Variants in FAM135B observed in about 807,000 individuals in gnomAD.
FAM135B encodes the protein protein FAM135B.
FAM135B carries 43 observed loss-of-function variants against 127.7 expected under a neutral mutation model. That is an observed-to-expected ratio of 0.34 (90% CI 0.26 to 0.43). The LOEUF is 0.43. Ranked by LOEUF, FAM135B falls within the 20% of genes least tolerant of loss-of-function variation. The probability of loss-of-function intolerance (pLI) is 1.00; values close to 1 mark genes in which losing one functional copy is unlikely to be tolerated. For missense variants in FAM135B, 1,558 were observed against 1,725.6 expected, an observed-to-expected ratio of 0.90 and a Z score of 1.72; for synonymous variants, 670 against 665.1, an observed-to-expected ratio of 1.01 and a Z score of -0.11.
intron 1 of FAM135B, among the ~76,000 whole-genome samples, chr8:138,428,851 A>G (rs1835044802): frequency 6.6e-6 from 1 of 152,170 alleles, no homozygotes; most frequent in South Asian, 2.1e-4. Flanking sequence ...CTCGAAATTT[A>G]ATTTGAATAT....
chr8:138,457,382 G>A (rs1451024932), intron 1 of FAM135B, among the ~76,000 whole-genome samples: 1 of 152,138 alleles, frequency 6.6e-6, no homozygotes, highest in Non-Finnish European at 1.5e-5. Flanking sequence ...GTTTCTCAAG[G>A]TGTGATACTC....
chr8:138,172,378 C>T (rs928807119), intron 11 of FAM135B, among the ~76,000 whole-genome samples: 1 of 152,192 alleles, frequency 6.6e-6, no homozygotes, highest in Non-Finnish European at 1.5e-5. Flanking sequence ...GGGCCTTTGC[C>T]CTGGCTGTTA....
intron 9 of FAM135B, among the ~76,000 whole-genome samples, chr8:138,182,285 A>T (rs766447654): frequency 2.6e-5 from 4 of 152,262 alleles, no homozygotes; most frequent in Non-Finnish European, 5.9e-5. Context: ...TCTACTCCAC[A>T]GATGCCCGAG....
intron 3 of FAM135B, among the ~76,000 whole-genome samples, chr8:138,283,212 G>A (rs1363002190): frequency 2.6e-5 from 4 of 152,038 alleles, no homozygotes; most frequent in Non-Finnish European, 5.9e-5. Flanking sequence ...CAACCAAGAC[G>A]TCCTTCAGGA....
At chr8:138,265,554 A>C in intron 4 of FAM135B, 149 bp downstream of exon 4, 1 of 789,500 alleles carries the variant, frequency 1.3e-6, no homozygotes, top group East Asian at 2.6e-5. Context: ...GAATACATAA[A>C]TAAGTGCATG....
intron 1 of FAM135B, among the ~76,000 whole-genome samples, chr8:138,369,316 G>GC (rs1430209412): frequency 6.6e-6 from 1 of 152,078 alleles, no homozygotes; most frequent in Non-Finnish European, 1.5e-5. Flanking sequence ...TCCTTCCAAA[G>GC]CCCCTCTTAC....
intron 7 of FAM135B, among the ~76,000 whole-genome samples, chr8:138,212,205 G>A (rs1818198423): frequency 6.6e-6 from 1 of 152,168 alleles, no homozygotes; most frequent in South Asian, 2.1e-4. Context: ...CACAAAATAG[G>A]TATTTGTGCT....
At chr8:138,492,236 C>T (rs1815232510) in intron 1 of FAM135B, among the ~76,000 whole-genome samples, 1 of 152,022 alleles carries the variant, frequency 6.6e-6, no homozygotes, top group Non-Finnish European at 1.5e-5. Context: ...AACCATGACC[C>T]CTCCTTCCTC....
intron 1 of FAM135B, among the ~76,000 whole-genome samples, chr8:138,415,324 G>C (rs1174765278): frequency 6.6e-6 from 1 of 152,144 alleles, no homozygotes; most frequent in Non-Finnish European, 1.5e-5. Context: ...CACAGCATCT[G>C]GCCCAGAGCA....
chr8:138,312,532 C>T (rs1046278134), intron 2 of FAM135B, among the ~76,000 whole-genome samples: 2 of 152,022 alleles, frequency 1.3e-5, no homozygotes, highest in African/African-American at 2.4e-5. Flanking sequence ...TAGCCACCAA[C>T]AAGAAAATTA....
intron 12 of FAM135B, among the ~76,000 whole-genome samples, chr8:138,153,576 A>T (rs1170808296): frequency 6.6e-6 from 1 of 152,216 alleles, no homozygotes; most frequent in Non-Finnish European, 1.5e-5. Flanking sequence ...GAAAATCAGG[A>T]CACTCCCACC....
At chr8:138,161,308 C>A (rs1323676349) in intron 12 of FAM135B, among the ~76,000 whole-genome samples, 1 of 151,976 alleles carries the variant, frequency 6.6e-6, no homozygotes, top group Non-Finnish European at 1.5e-5. Flanking sequence ...GCCATTATCT[C>A]TCTCAATCTC....
rs2130733215 is a variant in FAM135B at position 138,151,536 on chromosome 8, T to C, written c.2939A>G (p.His980Arg). Residue 980 changes from histidine (H) to arginine (R), a missense_variant, in exon 13 of 20, where the codon CAT (histidine) becomes CGT (arginine). His to Arg is a conservative substitution (Grantham distance 29). Around this residue, in one of 5 missense-constraint regions of FAM135B, gnomAD observed 923 missense variants for 865.3 expected, o/e 1.07. Coordinates refer to ENST00000395297, the MANE Select transcript of FAM135B (RefSeq NM_015912.4). The stretch of plus-strand genomic sequence containing the variant: ...AGTGGGGCACACAGTGCCTGCTTTA[T>C]GTTTAGCCTCCGGGAAGGCATTCAC... ...RGVNAFPEAK[H>R]KAGTVCPTVT... is the part of the protein sequence containing the mutation. 1.2e-6 allele frequency: 2 copies of C among 1,614,228 alleles called. No individual in the cohort carries two copies. Among genetic ancestry groups the C allele is most frequent in the African/African-American group, 1.3e-5 (1 of 75,064 alleles).
chr8:138,351,041 C>A (rs1286985564), intron 2 of FAM135B, among the ~76,000 whole-genome samples: 1 of 152,170 alleles, frequency 6.6e-6, no homozygotes, highest in Non-Finnish European at 1.5e-5. Context: ...GGGAAACCCC[C>A]TTCAGTCCTG....
intron 3 of FAM135B, among the ~76,000 whole-genome samples, chr8:138,286,018 T>C (rs1486979111): frequency 1.3e-5 from 2 of 152,038 alleles, no homozygotes; most frequent in African/African-American, 2.4e-5. Context: ...TCATAGAACT[T>C]ACACTATAGA....
At chr8:138,305,180 G>T (rs1342530433) in intron 3 of FAM135B, among the ~76,000 whole-genome samples, 1 of 152,210 alleles carries the variant, frequency 6.6e-6, no homozygotes, top group Non-Finnish European at 1.5e-5. Flanking sequence ...CTACTTAATG[G>T]AAATGGAAAT....
At chr8:138,333,213 T>C (rs1429769271) in intron 2 of FAM135B, among the ~76,000 whole-genome samples, 1 of 152,142 alleles carries the variant, frequency 6.6e-6, no homozygotes, top group Non-Finnish European at 1.5e-5. Context: ...CACAGAGCCC[T>C]GCAACACTTG....
intron 1 of FAM135B, among the ~76,000 whole-genome samples, chr8:138,471,971 T>C (rs1477880261): frequency 1.3e-5 from 2 of 152,150 alleles, no homozygotes; most frequent in Non-Finnish European, 2.9e-5. Flanking sequence ...CAAAGGGGCA[T>C]CCTTCCAAAG....
At chr8:138,340,023 G>A (rs746771888) in intron 2 of FAM135B, among the ~76,000 whole-genome samples, 6 of 152,154 alleles carry the variant, frequency 3.9e-5, no homozygotes, top group Admixed American at 1.3e-4. Flanking sequence ...TCATCATCCC[G>A]GGATGGGTTG....
Sources: allele counts gnomAD v4.1 joint callset (sites outside exome capture counted in the v4.1 genomes callset), GRCh38; gene constraint gnomAD v4.1.1; regional missense constraint gnomAD v4.1.1; transcripts MANE v1.5; gene names NCBI Gene and HGNC (gene_info 2026-07-23, HGNC 2026-07-21).